The following PLEKHA6 variants were observed in gnomAD, a reference collection of about 807,000 sequenced individuals.
PLEKHA6 encodes pleckstrin homology domain containing A6.
A neutral mutation model predicts 116.7 loss-of-function variants in PLEKHA6; 60 were observed. The observed-to-expected ratio is 0.51, with a 90% CI of 0.42 to 0.64. PLEKHA6 has a LOEUF of 0.64. Ranked by LOEUF, PLEKHA6 falls within the 30% of genes least tolerant of loss-of-function variation. PLEKHA6 has a pLI of 0.00. For missense variants in PLEKHA6, 1,338 were observed against 1,422.7 expected (o/e 0.94, Z 0.96); for synonymous variants, 489 against 556.1 (o/e 0.88, Z 1.70).
chr1:204,335,223 T>G (rs1672599361), intron 1 of PLEKHA6, among the ~76,000 whole-genome samples: 1 of 151,684 alleles, frequency 6.6e-6, no homozygotes, highest in African/African-American at 2.4e-5. Context: ...CCCCCACCAC[T>G]TCCCCCCACA....
intron 1 of PLEKHA6, among the ~76,000 whole-genome samples, chr1:204,373,086 CTTT>C (rs973883787): frequency 8.8e-6 from 1 of 113,422 alleles, no homozygotes. Flanking sequence ...TTTTTTCTTT[CTTT>C]TTTTTTTTTT....
chr1:204,366,514 A>G (rs1005832358), intron 3 of PLEKHA6, among the ~76,000 whole-genome samples: 1 of 152,122 alleles, frequency 6.6e-6, no homozygotes, highest in Non-Finnish European at 1.5e-5. Context: ...TAATCCCAGC[A>G]CTTTGGGAGG....
At chr1:204,308,782 G>A (rs1289708493) in intron 1 of PLEKHA6, among the ~76,000 whole-genome samples, 3 of 136,530 alleles carry the variant, frequency 2.2e-5, no homozygotes, top group South Asian at 2.4e-4. Context: ...TCCGCCTCCC[G>A]GGTTCACGCC....
chr1:204,348,706 G>C, intron 1 of PLEKHA6, among the ~76,000 whole-genome samples: 1 of 131,742 alleles, frequency 7.6e-6, no homozygotes, highest in South Asian at 2.6e-4. Context: ...TCAGCCCCCA[G>C]GTGCCAAACC....
intron 17 of PLEKHA6, among the ~76,000 whole-genome samples, chr1:204,236,845 C>T: frequency 6.6e-6 from 1 of 152,160 alleles, no homozygotes; most frequent in Admixed American, 6.5e-5. Context: ...CACAGCCTCT[C>T]AGTCAATTTC....
At chr1:204,258,732 G>A (rs567827502) in intron 8 of PLEKHA6, among the ~76,000 whole-genome samples, 21 of 152,336 alleles carry the variant, frequency 1.4e-4, no homozygotes, top group Middle Eastern at 6.8e-3. Flanking sequence ...GGATAAAGGC[G>A]TAAATGGTCA....
chr1:204,309,374 G>A (rs558428506), intron 1 of PLEKHA6, among the ~76,000 whole-genome samples: 7 of 152,178 alleles, frequency 4.6e-5, no homozygotes, highest in African/African-American at 1.7e-4. Flanking sequence ...GCCGCATAAG[G>A]TCGTTCTGGT....
At chr1:204,295,829 G>A (rs1462959436) in intron 1 of PLEKHA6, among the ~76,000 whole-genome samples, 2 of 152,154 alleles carry the variant, frequency 1.3e-5, no homozygotes, top group Non-Finnish European at 2.9e-5. Context: ...CAAGGGCAGG[G>A]TGGCCAAAGG....
chr1:204,262,525 T>C (rs900509161), intron 6 of PLEKHA6, among the ~76,000 whole-genome samples: 4 of 152,080 alleles, frequency 2.6e-5, no homozygotes, highest in Admixed American at 1.3e-4. Context: ...CTAGCAGTGA[T>C]TCAGAGTCTC....
upstream of PLEKHA6, among the ~76,000 whole-genome samples, chr1:204,362,946 A>G (rs1156261499): frequency 6.6e-6 from 1 of 152,194 alleles, no homozygotes; most frequent in Non-Finnish European, 1.5e-5. Flanking sequence ...CTCACCTGCA[A>G]ATGGGCTTCT....
At chr1:204,304,835 G>A (rs1671136421) in intron 1 of PLEKHA6, among the ~76,000 whole-genome samples, 1 of 152,092 alleles carries the variant, frequency 6.6e-6, no homozygotes. Context: ...TGGAAGGGAG[G>A]GGGAAATTAA....
In PLEKHA6 at chr1:204,245,745, G is replaced by A. The variant is rs1449981178; in HGVS notation, c.1921-19C>T. ...CCTCATTCTGAAGCAGCCACACAGT[G>A]AGTCAAAGGAAATGGCCATGAGGAG... On this transcript the variant is annotated intron_variant, in intron 13 of 22. Transcript: ENST00000272203. 1.3e-6 allele frequency: 2 copies of A among 1,547,232 alleles called. No individual in the cohort carries two copies. The highest frequency in any genetic ancestry group is 1.8e-6 in the Non-Finnish European group (2 of 1,121,572).
At chr1:204,250,268 G>A (rs181052733) in intron 10 of PLEKHA6, among the ~76,000 whole-genome samples, 64 of 152,340 alleles carry the variant, frequency 4.2e-4, no homozygotes, top group African/African-American at 1.4e-3. Context: ...TAGGCAAAAC[G>A]GCCCAGCGCT....
chr1:204,331,931 A>G (rs1672468136), intron 1 of PLEKHA6, among the ~76,000 whole-genome samples: 3 of 151,780 alleles, frequency 2.0e-5, no homozygotes, highest in Admixed American at 2.0e-4. Context: ...CTTTGCTCAG[A>G]GGGAGCCTCC....
chr1:204,295,764 G>A (rs547843665), intron 1 of PLEKHA6, among the ~76,000 whole-genome samples: 40 of 152,214 alleles, frequency 2.6e-4, no homozygotes, highest in African/African-American at 8.9e-4. Context: ...CCCACAGCCC[G>A]AGAAGGAAAA....
intron 4 of PLEKHA6, 81 bp downstream of exon 4, chr1:204,268,127 C>A (rs886544527): frequency 2.4e-6 from 2 of 842,414 alleles, no homozygotes; most frequent in African/African-American, 1.7e-5. Context: ...AAATACACAG[C>A]CTGTCATAAG....
Position 204,251,643 on chromosome 1 carries a change from C to A in PLEKHA6, c.1525-1029G>T, listed in dbSNP as rs770165830. ...CAGAGGAAGGAACGGACTATTCACA[C>A]TCCGACCTACATGTAGGTATCTCCC... On this transcript the variant is annotated intron_variant, in intron 9 of 22. Coordinates refer to ENST00000272203, the MANE Select transcript of PLEKHA6 (RefSeq NM_014935.5). 1.0e-4 allele frequency: 70 copies of A among 700,488 alleles called. No individual in the cohort carries two copies. The South Asian group carries it at 1.0e-3, about 10-fold the overall frequency. The allele number at this position is 700,488 out of a possible 1,614,324, so 43.4% of individuals were successfully genotyped here.
intron 10 of PLEKHA6, among the ~76,000 whole-genome samples, chr1:204,250,169 G>A (rs1198494165): frequency 6.6e-6 from 1 of 152,164 alleles, no homozygotes; most frequent in Non-Finnish European, 1.5e-5. Flanking sequence ...TTACCTGTAG[G>A]GACTAATGCC....
At chr1:204,367,265 C>T (rs1268702382) in intron 3 of PLEKHA6, among the ~76,000 whole-genome samples, 1 of 152,206 alleles carries the variant, frequency 6.6e-6, no homozygotes, top group Non-Finnish European at 1.5e-5. Context: ...AGGGGCCTGA[C>T]CAACTCCTAG....
Sources: gnomAD v4.1 joint callset for allele counts (sites outside exome capture counted in the v4.1 genomes callset) on GRCh38, gnomAD v4.1.1 for gene constraint, MANE v1.5 for transcripts, NCBI Gene and HGNC (gene_info 2026-07-23, HGNC 2026-07-21) for gene names.